The following SMYD3 variants were observed in gnomAD, a reference collection of about 807,000 sequenced individuals.
The protein encoded by SMYD3 is histone-lysine N-methyltransferase SMYD3.
Under a neutral mutation model 57.7 loss-of-function variants are expected in SMYD3, and 36 were observed. The ratio of observed to expected loss-of-function variants is 0.62; its 90% confidence interval spans 0.48 to 0.82. SMYD3 has a LOEUF of 0.82. Ranked by LOEUF, SMYD3 falls within the 40% of genes least tolerant of loss-of-function variation. The probability of loss-of-function intolerance (pLI) is 0.00; values close to 1 mark genes in which losing one functional copy is unlikely to be tolerated. For synonymous variants in SMYD3, 211 were observed against 195.0 expected, an observed-to-expected ratio of 1.08 and a Z score of -0.68; for missense variants, 515 against 538.8, an observed-to-expected ratio of 0.96 and a Z score of 0.44.
Position 245,931,414 on chromosome 1 carries a change from G to A in SMYD3, c.532-1477C>T, listed in dbSNP as rs533264712. The stretch of plus-strand genomic sequence containing the variant: ...CAGGATAATGCTCGAGTTTTTGGCC[G>A]AAGCAAGTGGAAGATCATAGCTACC... On this transcript the variant is annotated intron_variant, in intron 5 of 11. Coordinates refer to ENST00000490107, the MANE Select transcript of SMYD3 (RefSeq NM_001167740.2). Among the ~76,000 whole-genome samples, 25 of 152,258 alleles carry A rather than the reference G, an allele frequency of 1.6e-4. No individual in the cohort carries two copies. In the South Asian group the frequency reaches 2.5e-3, roughly 15 times the overall value.
Position 246,457,547 on chromosome 1 carries a change from A to AG in SMYD3, c.164+49506_164+49507insC, listed in dbSNP as rs1249674815. 1.1e-4 allele frequency among the ~76,000 whole-genome samples: 9 copies of AG among 79,482 alleles called. No homozygotes were observed. In the East Asian group the frequency reaches 1.5e-3, roughly 14 times the overall value. 52.1% of individuals were successfully genotyped at this position (79,482 alleles called of 152,430 possible). A position where few individuals can be genotyped will look rare whatever the true frequency, so the allele number is the denominator to read the frequency against. ...GACTCTGCCTCAAAAAAAAAAAAAA[A>AG]AGAAAAGAAAAGAAAAGAAAAGAAA... is the stretch of plus-strand genomic sequence containing the variant. On this transcript the variant is annotated intron_variant, in intron 1 of 11. Coordinates refer to ENST00000490107, the MANE Select transcript of SMYD3 (RefSeq NM_001167740.2).
chr1:245,843,011 T>C (rs893287339), intron 10 of SMYD3, among the ~76,000 whole-genome samples: 1 of 152,188 alleles, frequency 6.6e-6, no homozygotes, highest in Non-Finnish European at 1.5e-5. Flanking sequence ...ACACCCAGCT[T>C]ATATGTATTT....
chr1:245,909,854 ATC>A (rs2054840583), intron 8 of SMYD3, among the ~76,000 whole-genome samples: 1 of 152,286 alleles, frequency 6.6e-6, no homozygotes, highest in East Asian at 1.9e-4. Flanking sequence ...CCAAGCTAGC[ATC>A]ACACTTAATT....
At chr1:246,011,967 G>C (rs1216174785) in intron 5 of SMYD3, among the ~76,000 whole-genome samples, 1 of 152,104 alleles carries the variant, frequency 6.6e-6, no homozygotes, top group Non-Finnish European at 1.5e-5. Flanking sequence ...ATTGCTTGCT[G>C]GTACTGGCTG....
At chr1:246,123,729 G>C (rs1572064828) in intron 5 of SMYD3, among the ~76,000 whole-genome samples, 1 of 151,820 alleles carries the variant, frequency 6.6e-6, no homozygotes, top group African/African-American at 2.4e-5. Flanking sequence ...TGCTTGTATT[G>C]TTTTACATAA....
intron 7 of SMYD3, among the ~76,000 whole-genome samples, chr1:245,921,774 T>G (rs1012221180): frequency 6.6e-6 from 1 of 152,052 alleles, no homozygotes; most frequent in Non-Finnish European, 1.5e-5. Context: ...TTCTCACTTA[T>G]AAGTGGGAAC....
intron 5 of SMYD3, among the ~76,000 whole-genome samples, chr1:246,103,941 GA>G (rs1238844843): frequency 1.3e-5 from 2 of 152,126 alleles, no homozygotes; most frequent in Non-Finnish European, 2.9e-5. Flanking sequence ...CATCCTTGAA[GA>G]AAACCTTGTT....
intron 11 of SMYD3, among the ~76,000 whole-genome samples, chr1:245,751,230 G>A (rs1387256353): frequency 2.0e-5 from 3 of 152,142 alleles, no homozygotes; most frequent in African/African-American, 7.2e-5. Flanking sequence ...TGCCTTTCTT[G>A]GATATTTAAG....
chr1:246,362,608 G>A (rs1360317433), intron 1 of SMYD3, among the ~76,000 whole-genome samples: 1 of 152,208 alleles, frequency 6.6e-6, no homozygotes, highest in Admixed American at 6.5e-5. Context: ...TTGCAGGCGC[G>A]CACCGCCACG....
chr1:246,237,986 A>T (rs2063538285), intron 5 of SMYD3, among the ~76,000 whole-genome samples: 2 of 152,190 alleles, frequency 1.3e-5, no homozygotes, highest in Admixed American at 1.3e-4. Flanking sequence ...TCCTTTCCCT[A>T]ATACACTCTA....
chr1:246,444,263 T>C (rs1558468095), intron 1 of SMYD3, among the ~76,000 whole-genome samples: 1 of 152,048 alleles, frequency 6.6e-6, no homozygotes, highest in Admixed American at 6.6e-5. Context: ...GTAGTTGGGA[T>C]TACAGGCATG....
intron 5 of SMYD3, among the ~76,000 whole-genome samples, chr1:246,269,543 C>CTTTTTTTTTT (rs570972296): frequency 6.7e-5 from 9 of 135,218 alleles, no homozygotes; most frequent in Non-Finnish European, 7.9e-5. Context: ...CTTTTTTTTT[C>CTTTTTTTTTT]TTTTTTTTTT....
At chr1:246,469,635 CTAA>C (rs1267008469) in intron 1 of SMYD3, among the ~76,000 whole-genome samples, 2 of 151,976 alleles carry the variant, frequency 1.3e-5, no homozygotes, top group Non-Finnish European at 2.9e-5. Flanking sequence ...TGAGTCCATA[CTAA>C]TAATAAATAG....
intron 5 of SMYD3, among the ~76,000 whole-genome samples, chr1:246,068,888 C>T (rs150206256): frequency 6.6e-6 from 1 of 152,246 alleles, no homozygotes; most frequent in Non-Finnish European, 1.5e-5. Flanking sequence ...TTACCTTACC[C>T]CTTATGTCTT....
At chr1:245,821,434 A>T (rs1157878193) in intron 10 of SMYD3, among the ~76,000 whole-genome samples, 2 of 146,784 alleles carry the variant, frequency 1.4e-5, no homozygotes, top group Admixed American at 6.8e-5. Flanking sequence ...ACCTAAAACC[A>T]TAAAAACCCT....
At chr1:246,007,550 C>T (rs2059197372) in intron 5 of SMYD3, among the ~76,000 whole-genome samples, 2 of 152,042 alleles carry the variant, frequency 1.3e-5, no homozygotes, top group African/African-American at 4.8e-5. Context: ...TGGCTCACAT[C>T]TGTAATCCCA....
intron 10 of SMYD3, among the ~76,000 whole-genome samples, chr1:245,778,930 C>T (rs564262301): frequency 1.3e-3 from 204 of 152,180 alleles, no homozygotes; most frequent in African/African-American, 4.7e-3. Flanking sequence ...GAGGCCGAGG[C>T]GGGTCGATCA....
chr1:246,368,645 G>A (rs2066145744), intron 1 of SMYD3, among the ~76,000 whole-genome samples: 2 of 152,214 alleles, frequency 1.3e-5, no homozygotes, highest in African/African-American at 4.8e-5. Context: ...CTATGAGGTT[G>A]TGGCCAAAGG....
intron 10 of SMYD3, among the ~76,000 whole-genome samples, chr1:245,816,900 C>T (rs920567690): frequency 7.9e-5 from 12 of 151,720 alleles, no homozygotes; most frequent in African/African-American, 2.4e-4. Context: ...GGGTCCTACC[C>T]GACGGAGTCT....
Sources: gnomAD v4.1 joint callset for allele counts (sites outside exome capture counted in the v4.1 genomes callset) on GRCh38, gnomAD v4.1.1 for gene constraint, MANE v1.5 for transcripts, NCBI Gene and HGNC (gene_info 2026-07-23, HGNC 2026-07-21) for gene names.